The following WDR27 variants were observed in gnomAD, a reference collection of about 807,000 sequenced individuals.
WDR27 encodes WD repeat domain 27, also known as WD repeat-containing protein 27.
Under a neutral mutation model 114.4 loss-of-function variants are expected in WDR27, and 100 were observed. The observed-to-expected ratio is 0.87, with a 90% CI of 0.74 to 1.03. WDR27 has a LOEUF of 1.03. WDR27 is among the 50% of genes least tolerant of loss of function. The pLI, the probability that WDR27 is intolerant of heterozygous loss-of-function variation, is 0.00. For missense variants in WDR27, 1,129 were observed against 1,092.9 expected, an observed-to-expected ratio of 1.03 and a Z score of -0.47; for synonymous variants, 449 against 423.1, an observed-to-expected ratio of 1.06 and a Z score of -0.75.
chr6:169,477,737 T>C (rs78270891), intron 25 of WDR27, among the ~76,000 whole-genome samples: 3,077 of 152,306 alleles, frequency 0.02, 64 homozygotes, highest in East Asian at 0.071. Context: ...CCTGGACTTT[T>C]TGGCAGTTTC....
intron 25 of WDR27, among the ~76,000 whole-genome samples, chr6:169,529,245 T>TACACACCC (rs1306445597): frequency 1.5e-5 from 2 of 134,482 alleles, no homozygotes; most frequent in African/African-American, 2.7e-5. Context: ...AATAGACGCA[T>TACACACCC]ACACACCCAC....
At chr6:169,569,747 G>T (rs1801068150) in intron 25 of WDR27, among the ~76,000 whole-genome samples, 1 of 152,082 alleles carries the variant, frequency 6.6e-6, no homozygotes. Flanking sequence ...ATTATTCCAG[G>T]TTATTCCTAA....
intron 25 of WDR27, among the ~76,000 whole-genome samples, chr6:169,475,844 G>A (rs368967200): frequency 6.6e-6 from 1 of 151,746 alleles, no homozygotes. Flanking sequence ...TCTCTAATAG[G>A]GAAAATATAA....
intron 2 of WDR27, among the ~76,000 whole-genome samples, chr6:169,680,140 CAT>C (rs1240278998): frequency 6.6e-6 from 1 of 152,140 alleles, no homozygotes; most frequent in Non-Finnish European, 1.5e-5. Context: ...TGCACTGAAA[CAT>C]ATGTTAAATA....
In WDR27 at chr6:169,670,554, G is replaced by A. The variant is rs1778439687; in HGVS notation, c.456+15C>T. 2 of 1,613,790 alleles carry A rather than the reference G, an allele frequency of 1.2e-6. No homozygotes were observed. The highest frequency in any genetic ancestry group is 1.1e-5 in the South Asian group (1 of 91,064). Reference sequence around the variant, plus strand: ...CTAAACCCTTCCGTGAAATCCACGTGAATTTCAATCTTACCTCAATATCCA... The same window carrying A: ...CTAAACCCTTCCGTGAAATCCACGTAAATTTCAATCTTACCTCAATATCCA... On this transcript the variant is annotated intron_variant, in intron 4 of 25. Coordinates refer to ENST00000448612, the MANE Select transcript of WDR27 (RefSeq NM_182552.5).
chr6:169,661,136 C>A (rs1048352930), intron 9 of WDR27, among the ~76,000 whole-genome samples: 8 of 152,266 alleles, frequency 5.3e-5, no homozygotes, highest in African/African-American at 1.7e-4. Context: ...GTGCCACCAA[C>A]GCATTTGTGG....
intron 16 of WDR27, among the ~76,000 whole-genome samples, chr6:169,645,609 A>G (rs934356392): frequency 2.6e-5 from 4 of 151,670 alleles, no homozygotes; most frequent in Non-Finnish European, 4.4e-5. Context: ...CAGGAGTCCC[A>G]CTGTAGAAAA....
At chr6:169,476,399 C>T (rs917654295) in intron 25 of WDR27, among the ~76,000 whole-genome samples, 1 of 152,224 alleles carries the variant, frequency 6.6e-6, no homozygotes, top group African/African-American at 2.4e-5. Context: ...ACCATCACAG[C>T]TGTAAATCAT....
chr6:169,616,939 TAATA>T (rs1811954229), intron 21 of WDR27, among the ~76,000 whole-genome samples: 3 of 152,058 alleles, frequency 2.0e-5, no homozygotes, highest in Non-Finnish European at 4.4e-5. Flanking sequence ...TGCTGGAAGA[TAATA>T]AAAATAGTGC....
At chr6:169,701,018 A>G (rs946197059) in intron 1 of WDR27, among the ~76,000 whole-genome samples, 1 of 152,208 alleles carries the variant, frequency 6.6e-6, no homozygotes, top group Admixed American at 6.5e-5. Flanking sequence ...AGTGATTGCT[A>G]AAGATACCAT....
intron 6 of WDR27, 47 bp from the exon 7 acceptor site, chr6:169,665,603 C>A: frequency 2.6e-6 from 4 of 1,558,240 alleles, no homozygotes; most frequent in Non-Finnish European, 3.5e-6. Flanking sequence ...GTGCCTGGTA[C>A]CAATTAACCC....
chr6:169,686,346 A>C (rs769824906), intron 2 of WDR27, among the ~76,000 whole-genome samples: 14 of 152,206 alleles, frequency 9.2e-5, no homozygotes, highest in Non-Finnish European at 1.9e-4. Context: ...ACAGTAAGAG[A>C]AGAAGTAACG....
intron 25 of WDR27, among the ~76,000 whole-genome samples, chr6:169,478,380 T>C (rs1787483724): frequency 6.6e-6 from 1 of 152,220 alleles, no homozygotes; most frequent in African/African-American, 2.4e-5. Context: ...TCAAAAATTC[T>C]TATTGAGTAA....
In WDR27 at chr6:169,701,914, G is replaced by T. The variant is rs1000127001; in HGVS notation, c.-371C>A. On this transcript the variant is annotated 5_prime_UTR_variant, in exon 1 of 26. Transcript: ENST00000448612. ...CCGCGCCGAGACCAGCCCGCTAGGG[G>T]AGGACTCACAGCACCCAGCTCCCAG... 2.3e-5 allele frequency: 8 copies of T among 346,134 alleles called. No homozygotes were observed. The highest frequency in any genetic ancestry group is 4.0e-5 in the Non-Finnish European group (7 of 176,530). 21.4% of individuals were successfully genotyped at this position (346,134 alleles called of 1,614,324 possible). A position where few individuals can be genotyped will look rare whatever the true frequency, so the allele number is the denominator to read the frequency against.
At chr6:169,665,177 T>C (rs1827484733) in intron 7 of WDR27, 3 of 1,104,156 alleles carry the variant, frequency 2.7e-6, no homozygotes, top group Non-Finnish European at 2.2e-6. Flanking sequence ...GGGGGACGTC[T>C]GCTCACAGCC....
chr6:169,621,861 T>C (rs897517789), intron 21 of WDR27, among the ~76,000 whole-genome samples: 11 of 152,170 alleles, frequency 7.2e-5, no homozygotes, highest in African/African-American at 2.7e-4. Context: ...TTCACGCATA[T>C]ACATATGAAC....
chr6:169,624,011 G>C (rs927841830), intron 21 of WDR27, among the ~76,000 whole-genome samples: 2 of 152,154 alleles, frequency 1.3e-5, no homozygotes, highest in Non-Finnish European at 2.9e-5. Context: ...CAGGATTGGG[G>C]ACATGGGGCC....
At chr6:169,666,684 C>T (rs1426722730) in intron 6 of WDR27, 14 of 986,578 alleles carry the variant, frequency 1.4e-5, no homozygotes, top group African/African-American at 3.5e-5. Context: ...GAGGGAAGAA[C>T]GCAAGGACCC....
chr6:169,616,932 T>G (rs1446159613), intron 21 of WDR27, among the ~76,000 whole-genome samples: 1 of 152,158 alleles, frequency 6.6e-6, no homozygotes, highest in Admixed American at 6.5e-5. Flanking sequence ...TATTTAGTGC[T>G]GGAAGATAAT....
Sources: allele counts gnomAD v4.1 joint callset (sites outside exome capture counted in the v4.1 genomes callset), GRCh38; gene constraint gnomAD v4.1.1; transcripts MANE v1.5; gene names NCBI Gene and HGNC (gene_info 2026-07-23, HGNC 2026-07-21).